The following ZFAT variants were observed in gnomAD, a reference collection of about 807,000 sequenced individuals.
The protein encoded by ZFAT is zinc finger and AT-hook domain containing.
In ZFAT, 64 loss-of-function variants were observed where a neutral mutation model predicts 117.7. The ratio of observed to expected loss-of-function variants is 0.54; its 90% confidence interval spans 0.44 to 0.67. The LOEUF (loss-of-function observed/expected upper bound fraction) is 0.67. Ranked by LOEUF, ZFAT falls within the 30% of genes least tolerant of loss-of-function variation. The probability of loss-of-function intolerance (pLI) is 0.00; values close to 1 mark genes in which losing one functional copy is unlikely to be tolerated. For missense variants in ZFAT, 1,433 were observed against 1,584.5 expected (o/e 0.90, Z 1.62); for synonymous variants, 679 against 615.0 (o/e 1.10, Z -1.54).
At chr8:134,618,428 A>C (rs1248057966) in intron 3 of ZFAT, among the ~76,000 whole-genome samples, 1 of 152,220 alleles carries the variant, frequency 6.6e-6, no homozygotes, top group East Asian at 1.9e-4. Context: ...CCTGGTTTCC[A>C]GTCTCTGTGC....
chr8:134,638,597 C>T (rs1443971982), intron 2 of ZFAT, among the ~76,000 whole-genome samples: 4 of 147,424 alleles, frequency 2.7e-5, no homozygotes, highest in Non-Finnish European at 6.0e-5. Context: ...GGCGTGGTGG[C>T]GGGCACCTGT....
Position 134,602,756 on chromosome 8 carries a change from G to T in ZFAT, c.963C>A (p.His321Gln). ...AGTCGCAGGCGAACTTCTCTCCAGT[G>T]TGCTTGCGCAGGTGCACATTGAGGT... ...KANLNVHLRK[H>Q]TGEKFACDYC... Residue 321 changes from histidine to glutamine, a missense_variant, in exon 6 of 16, where the codon CAC (histidine) becomes CAA (glutamine). This residue lies in a region of ZFAT where 436 missense variants were observed against 482.0 expected (regional missense o/e 0.90). Transcript: ENST00000377838. The T allele has an allele frequency of 6.2e-7, 1 of 1,613,766 alleles. No individual in the cohort carries two copies. The highest frequency in any genetic ancestry group is 8.5e-7 in the Non-Finnish European group (1 of 1,179,698).
At chr8:134,500,252 G>A (rs914071575) in intron 15 of ZFAT, among the ~76,000 whole-genome samples, 5 of 152,308 alleles carry the variant, frequency 3.3e-5, no homozygotes, top group East Asian at 1.9e-4. Flanking sequence ...CAGGCACCAA[G>A]CAAACAGTAA....
At chr8:134,729,932 C>T in the ZFAT span, among the ~76,000 whole-genome samples, 1 of 152,312 alleles carries the variant, frequency 6.6e-6, no homozygotes, top group South Asian at 2.1e-4. Flanking sequence ...AGCTGTGCTC[C>T]TATTAGATTC....
At chr8:134,602,971 T>C (rs563119581) in intron 5 of ZFAT, 38 bp from the exon 6 acceptor site, 82 of 1,564,784 alleles carry the variant, frequency 5.2e-5, no homozygotes, top group South Asian at 1.5e-4. Flanking sequence ...TCTGGAGACC[T>C]TGAATGTTCC....
chr8:134,659,494 G>A (rs999564701), intron 1 of ZFAT, among the ~76,000 whole-genome samples: 2 of 152,122 alleles, frequency 1.3e-5, no homozygotes, highest in Non-Finnish European at 2.9e-5. Flanking sequence ...TAAAGATAGC[G>A]CATGCCTGAT....
intron 5 of ZFAT, 39 bp downstream of exon 5, chr8:134,608,689 GC>G: frequency 6.3e-7 from 1 of 1,596,186 alleles, no homozygotes; most frequent in East Asian, 2.3e-5. Context: ...TCACTCACAT[GC>G]AACCTCTGGC....
chr8:134,599,543 A>G (rs1288937894), intron 7 of ZFAT: 1 of 328,044 alleles, frequency 3.0e-6, no homozygotes, highest in Non-Finnish European at 5.8e-6. Context: ...CAGTGTTTGA[A>G]TCCAGGTATC....
chr8:134,583,324 T>C (rs1825839419), intron 10 of ZFAT, among the ~76,000 whole-genome samples: 1 of 152,242 alleles, frequency 6.6e-6, no homozygotes, highest in Non-Finnish European at 1.5e-5. Flanking sequence ...TCTTAATGAA[T>C]GAATGAAATT....
chr8:134,736,217 A>G, the ZFAT span, among the ~76,000 whole-genome samples: 6 of 152,180 alleles, frequency 3.9e-5, no homozygotes, highest in African/African-American at 1.4e-4. Flanking sequence ...GATGGGATAG[A>G]GAATAAATAA....
At chr8:134,541,483 T>C (rs1178405447) in intron 11 of ZFAT, among the ~76,000 whole-genome samples, 1 of 152,090 alleles carries the variant, frequency 6.6e-6, no homozygotes, top group Admixed American at 6.5e-5. Context: ...TCCAGAACTG[T>C]GAGAAATAAG....
At chr8:134,751,578 G>A in the ZFAT span, among the ~76,000 whole-genome samples, 2 of 152,194 alleles carry the variant, frequency 1.3e-5, no homozygotes, top group Non-Finnish European at 2.9e-5. Context: ...GACCCAGAGA[G>A]ATGTAATTGG....
the ZFAT span, among the ~76,000 whole-genome samples, chr8:134,789,901 C>T: frequency 2.6e-5 from 4 of 152,166 alleles, no homozygotes; most frequent in Non-Finnish European, 5.9e-5. Context: ...GTGTGGTACA[C>T]ATAACTTATG....
At chr8:134,606,729 G>GA (rs75459456) in intron 5 of ZFAT, among the ~76,000 whole-genome samples, 5,652 of 47,882 alleles carry the variant, frequency 0.12, 356 homozygotes, top group African/African-American at 0.28. Context: ...CTCTGTCTCA[G>GA]AAAAAAAAAA....
the ZFAT span, among the ~76,000 whole-genome samples, chr8:134,768,690 T>C: frequency 1.1e-4 from 17 of 152,334 alleles, no homozygotes; most frequent in Admixed American, 9.1e-4. Context: ...CTCCATGATT[T>C]AATTACCTCC....
chr8:134,539,730 G>A (rs1417231833), intron 11 of ZFAT, among the ~76,000 whole-genome samples: 1 of 152,170 alleles, frequency 6.6e-6, no homozygotes, highest in African/African-American at 2.4e-5. Flanking sequence ...ATACACTGCT[G>A]ATAGAAGTGG....
chr8:134,483,419 T>C (rs1156826482), intron 15 of ZFAT, among the ~76,000 whole-genome samples: 4 of 152,194 alleles, frequency 2.6e-5, no homozygotes, highest in African/African-American at 4.8e-5. Flanking sequence ...CAGGATCCCA[T>C]GTTATGGGTT....
At chr8:134,500,536 A>AAATTTCAC (rs1183247627) in intron 15 of ZFAT, among the ~76,000 whole-genome samples, 1 of 152,226 alleles carries the variant, frequency 6.6e-6, no homozygotes, top group Admixed American at 6.5e-5. Context: ...TTTACTTTAA[A>AAATTTCAC]AATTTCACAA....
At chr8:134,797,360 A>C in the ZFAT span, 1 of 152,114 alleles carries the variant, frequency 6.6e-6, no homozygotes, top group African/African-American at 2.4e-5. Context: ...CCCTTCAACC[A>C]AAAAAACCTT....
Sources: allele counts gnomAD v4.1 joint callset (sites outside exome capture counted in the v4.1 genomes callset), GRCh38; gene constraint gnomAD v4.1.1; regional missense constraint gnomAD v4.1.1; transcripts MANE v1.5; gene names NCBI Gene and HGNC (gene_info 2026-07-23, HGNC 2026-07-21).